The following KCNJ15 variants were observed in gnomAD, a reference collection of about 807,000 sequenced individuals.
KCNJ15 encodes ATP-sensitive inward rectifier potassium channel 15.
Under a neutral mutation model 23.0 loss-of-function variants are expected in KCNJ15, and 14 were observed. That is an observed-to-expected ratio of 0.61 (90% CI 0.40 to 0.95). The LOEUF (loss-of-function observed/expected upper bound fraction) is 0.95. KCNJ15 is among the 40% of genes least tolerant of loss of function. The probability of loss-of-function intolerance (pLI) is 0.00; values close to 1 mark genes in which losing one functional copy is unlikely to be tolerated. For missense variants in KCNJ15, 388 were observed against 461.8 expected (o/e 0.84, Z 1.46); for synonymous variants, 185 against 183.2 (o/e 1.01, Z -0.08).
At position 38,288,026 on chromosome 21, in the gene KCNJ15, CTTTGTTTTTTTTT is replaced by C. The variant is rs1277243233; in HGVS notation, c.-116-8896_-116-8884del. Among the ~76,000 whole-genome samples the C allele has an allele frequency of 6.6e-3, 516 of 78,200 alleles. 78 individuals are homozygous for C. The highest frequency in any genetic ancestry group is 9.6e-3 in the South Asian group (19 of 1,984). The allele number at this position is 78,200 out of a possible 152,430, so 51.3% of individuals were successfully genotyped here. On this transcript the variant is annotated intron_variant, in intron 1 of 2. Transcript: ENST00000398938. ...CCATTGTTAAATAACTTGTTTTTTTCTTTGTTTTTTTTTTTTTTTTTTTTTTTTTTTTGAGATG... is the reference window on the plus strand; with the variant it reads ...CCATTGTTAAATAACTTGTTTTTTTCTTTTTTTTTTTTTTTTTTTGAGATG...
intron 1 of KCNJ15, among the ~76,000 whole-genome samples, chr21:38,268,550 GAAAAAAAAA>G (rs576709021): frequency 1.3e-3 from 61 of 47,276 alleles, no homozygotes; most frequent in East Asian, 1.1e-3. Context: ...CTTAAAATCT[GAAAAAAAAA>G]AAAAAAAAAA....
chr21:38,280,438 A>T (rs867014513), intron 1 of KCNJ15, among the ~76,000 whole-genome samples: 3 of 152,198 alleles, frequency 2.0e-5, no homozygotes, highest in Non-Finnish European at 2.9e-5. Context: ...CTTTGGGAAA[A>T]CAGCATTTGT....
chr21:38,266,135 G>T (rs1040966211), intron 1 of KCNJ15, among the ~76,000 whole-genome samples: 1 of 152,054 alleles, frequency 6.6e-6, no homozygotes, highest in Non-Finnish European at 1.5e-5. Flanking sequence ...ATTTCTTTTT[G>T]TTTGTTTGTT....
intron 1 of KCNJ15, among the ~76,000 whole-genome samples, chr21:38,246,801 G>A (rs1979401896): frequency 6.6e-6 from 1 of 152,276 alleles, no homozygotes; most frequent in African/African-American, 2.4e-5. Context: ...TTATCTATCA[G>A]ACTGGTAATA....
chr21:38,287,542 T>C lies in KCNJ15; in HGVS notation c.-116-9384T>C, dbSNP rs147646835. On this transcript the variant is annotated intron_variant, in intron 1 of 2. Transcript: ENST00000398938. ...TGAATTTCAAATAAACAATGAATAA[T>C]TTTAGTATAAGCATATAGCAAATAT... Among the ~76,000 whole-genome samples, 1,232 of 152,352 alleles carry C rather than the reference T, an allele frequency of 8.1e-3. 17 individuals carry two copies. Among genetic ancestry groups the C allele is most frequent in the African/African-American group, 0.029 (1,199 of 41,572 alleles).
At chr21:38,298,825 A>G (rs1328933245) in intron 2 of KCNJ15, among the ~76,000 whole-genome samples, 1 of 152,264 alleles carries the variant, frequency 6.6e-6, no homozygotes, top group Admixed American at 6.5e-5. Context: ...TTACTCTATG[A>G]AATAAATGCA....
chr21:38,262,889 G>A (rs1981063743), intron 1 of KCNJ15, among the ~76,000 whole-genome samples: 1 of 152,076 alleles, frequency 6.6e-6, no homozygotes, highest in African/African-American at 2.4e-5. Flanking sequence ...TGTTGGCCAG[G>A]CTGGTCTTGA....
At chr21:38,245,530 G>A (rs921424012) in intron 1 of KCNJ15, among the ~76,000 whole-genome samples, 6 of 150,990 alleles carry the variant, frequency 4.0e-5, no homozygotes, top group African/African-American at 1.5e-4. Context: ...CAGGATACGA[G>A]ATCCTTATAA....
intron 1 of KCNJ15, among the ~76,000 whole-genome samples, chr21:38,296,185 G>T (rs546153049): frequency 6.6e-6 from 1 of 151,964 alleles, no homozygotes; most frequent in Non-Finnish European, 1.5e-5. Context: ...TATTTAGACC[G>T]GTAATAAATA....
At position 38,303,999 on chromosome 21, in the gene KCNJ15, C is replaced by T. The variant is rs1023015954; in HGVS notation, c.*3610C>T. On this transcript the variant is annotated 3_prime_UTR_variant, in exon 3 of 3. Coordinates refer to ENST00000398938, the MANE Select transcript of KCNJ15 (RefSeq NM_170736.3). Reference sequence around the variant, plus strand: ...ATGGCACAGTGAATACTCTCACGCTCTCAATTTTGGCTTTCATTCTTGCTA... The same window carrying T: ...ATGGCACAGTGAATACTCTCACGCTTTCAATTTTGGCTTTCATTCTTGCTA... 2.6e-5 allele frequency: 4 copies of T among 151,456 alleles called. No individual in the cohort carries two copies. The highest frequency in any genetic ancestry group is 6.6e-5 in the Admixed American group (1 of 15,228). 9.4% of individuals were successfully genotyped at this position (151,456 alleles called of 1,614,324 possible). A position where few individuals can be genotyped will look rare whatever the true frequency, so the allele number is the denominator to read the frequency against.
intron 1 of KCNJ15, among the ~76,000 whole-genome samples, chr21:38,235,426 C>T (rs1414583261): frequency 3.3e-5 from 5 of 151,952 alleles, no homozygotes; most frequent in Admixed American, 1.3e-4. Flanking sequence ...TCGTGGCACG[C>T]GCCTGTAATC....
At chr21:38,260,586 C>A (rs1728491080) in intron 1 of KCNJ15, among the ~76,000 whole-genome samples, 1 of 152,174 alleles carries the variant, frequency 6.6e-6, no homozygotes, top group Non-Finnish European at 1.5e-5. Context: ...GCACACAATT[C>A]CAGATATTTT....
rs1985479646 is a variant in KCNJ15, at chr21:38,299,168, C to A, written c.-18-76C>A. On this transcript the variant is annotated intron_variant, in intron 2 of 2. Transcript: ENST00000398938. The surrounding 1 kb of genome is among the most constrained non-coding windows in gnomAD (Gnocchi z 4.5). ...GTACTTCCATGTACATTCATACTTA[C>A]TTCACATGATGATTCTATTTTCTGG... 5.4e-6 allele frequency: 6 copies of A among 1,120,866 alleles called. No homozygotes were observed. The East Asian group carries it at 1.2e-4, about 22-fold the overall frequency. The allele number at this position is 1,120,866 out of a possible 1,614,324, so 69.4% of individuals were successfully genotyped here. A position where few individuals can be genotyped will look rare whatever the true frequency, so the allele number is the denominator to read the frequency against.
At chr21:38,244,913 A>G (rs1979257080) in intron 1 of KCNJ15, among the ~76,000 whole-genome samples, 1 of 152,194 alleles carries the variant, frequency 6.6e-6, no homozygotes, top group Admixed American at 6.5e-5. Context: ...GATGTAATCA[A>G]CGAACCAGAT....
chr21:38,258,830 A>C (rs555314031), intron 1 of KCNJ15, among the ~76,000 whole-genome samples: 7 of 152,304 alleles, frequency 4.6e-5, no homozygotes, highest in East Asian at 1.9e-4. Flanking sequence ...ACTTCTCACC[A>C]GTGCAGACAG....
At chr21:38,241,707 CTGTAATCA>C (rs994447242) in intron 1 of KCNJ15, among the ~76,000 whole-genome samples, 2 of 152,194 alleles carry the variant, frequency 1.3e-5, no homozygotes, top group Admixed American at 1.3e-4. Flanking sequence ...AGGCTCATGC[CTGTAATCA>C]TAGCACTTTG....
intron 1 of KCNJ15, among the ~76,000 whole-genome samples, chr21:38,232,915 G>A (rs1056304879): frequency 6.6e-6 from 1 of 151,944 alleles, no homozygotes; most frequent in Non-Finnish European, 1.5e-5. Flanking sequence ...AAAAGAAGAT[G>A]TATATTCTAC....
intron 1 of KCNJ15, among the ~76,000 whole-genome samples, chr21:38,264,884 A>G (rs918382694): frequency 1.3e-5 from 2 of 152,238 alleles, no homozygotes; most frequent in African/African-American, 2.4e-5. Context: ...CATGCAGGTT[A>G]TTTTGGAAAG....
chr21:38,273,313 C>T (rs945438079), intron 1 of KCNJ15, among the ~76,000 whole-genome samples: 8 of 152,122 alleles, frequency 5.3e-5, no homozygotes, highest in African/African-American at 1.9e-4. Context: ...CTCTTACTGG[C>T]AATGTTTGAA....
Sources: gnomAD v4.1 joint callset for allele counts (sites outside exome capture counted in the v4.1 genomes callset) on GRCh38, gnomAD v4.1.1 for gene constraint, Gnocchi (gnomAD v3.1) non-coding constraint, MANE v1.5 for transcripts, NCBI Gene and HGNC (gene_info 2026-07-23, HGNC 2026-07-21) for gene names.